ANK3: variants seen among roughly 807,000 people sequenced by gnomAD.
ANK3 encodes ankyrin-3.
Under a neutral mutation model 370.9 loss-of-function variants are expected in ANK3, and 57 were observed. That is an observed-to-expected ratio of 0.15 (90% confidence interval 0.12 to 0.19). The LOEUF is 0.19. ANK3 is among the 10% of genes least tolerant of loss of function. The probability of loss-of-function intolerance (pLI) is 1.00; values close to 1 mark genes in which losing one functional copy is unlikely to be tolerated. For synonymous variants in ANK3, 1,929 were observed against 1,946.3 expected, an observed-to-expected ratio of 0.99 and a Z score of 0.23; for missense variants, 4,439 against 5,302.1, an observed-to-expected ratio of 0.84 and a Z score of 5.06.
At chr10:60,065,749 A>C (rs1413325492) in intron 38 of ANK3, among the ~76,000 whole-genome samples, 1 of 152,206 alleles carries the variant, frequency 6.6e-6, no homozygotes, top group Admixed American at 6.5e-5. Flanking sequence ...TTTAGCCTTA[A>C]TACACTTAAA....
At chr10:60,588,404 C>T (rs1273975596) in intron 2 of ANK3, among the ~76,000 whole-genome samples, 5 of 151,300 alleles carry the variant, frequency 3.3e-5, no homozygotes, top group African/African-American at 1.2e-4. Flanking sequence ...AGGCTGGTCT[C>T]GAACTCCTGA....
intron 2 of ANK3, among the ~76,000 whole-genome samples, chr10:60,538,591 T>C (rs181463123): frequency 6.6e-6 from 1 of 152,050 alleles, no homozygotes; most frequent in East Asian, 1.9e-4. Context: ...CTATATACTC[T>C]ATTCTATATG....
chr10:60,520,594 G>A (rs964241852), intron 2 of ANK3, among the ~76,000 whole-genome samples: 5 of 152,076 alleles, frequency 3.3e-5, no homozygotes, highest in Admixed American at 1.3e-4. Flanking sequence ...ATTCCAGTAT[G>A]CTAACAATCC....
intron 1 of ANK3, among the ~76,000 whole-genome samples, chr10:60,350,063 C>T (rs1298765023): frequency 6.6e-6 from 1 of 152,166 alleles, no homozygotes; most frequent in South Asian, 2.1e-4. Context: ...TTATTCAGCA[C>T]TTACTAAGTG....
intron 1 of ANK3, among the ~76,000 whole-genome samples, chr10:60,712,326 A>T (rs2133430613): frequency 6.6e-6 from 1 of 152,328 alleles, no homozygotes; most frequent in African/African-American, 2.4e-5. Flanking sequence ...AAATCAAATG[A>T]ATGACAGCAA....
chr10:60,116,305 T>G (rs913545215), intron 25 of ANK3, among the ~76,000 whole-genome samples: 2 of 152,166 alleles, frequency 1.3e-5, no homozygotes, highest in African/African-American at 4.8e-5. Flanking sequence ...GACCTGCCCA[T>G]TGGAATTTCC....
intron 42 of ANK3, chr10:60,053,624 C>A: frequency 7.9e-7 from 1 of 1,264,680 alleles, no homozygotes; most frequent in Non-Finnish European, 1.0e-6. Flanking sequence ...TTTCTCAGTA[C>A]TCTTTGCCAT....
intron 9 of ANK3, among the ~76,000 whole-genome samples, chr10:60,210,206 T>A (rs1488015737): frequency 6.6e-6 from 1 of 152,190 alleles, no homozygotes; most frequent in Non-Finnish European, 1.5e-5. Context: ...GCTTTCATTC[T>A]ATTGAAGAGA....
chr10:60,614,258 T>C (rs1187608604), intron 2 of ANK3, among the ~76,000 whole-genome samples: 3 of 152,192 alleles, frequency 2.0e-5, no homozygotes, highest in Non-Finnish European at 4.4e-5. Flanking sequence ...AAATTCAGCC[T>C]AGTAAAATAT....
At chr10:60,505,375 ACTCAT>A (rs1033841868) in intron 2 of ANK3, among the ~76,000 whole-genome samples, 4 of 151,962 alleles carry the variant, frequency 2.6e-5, no homozygotes, top group African/African-American at 7.2e-5. Context: ...AAAAAAATTC[ACTCAT>A]CTCATTTGCC....
chr10:60,629,981 T>C (rs1194886092), intron 1 of ANK3, among the ~76,000 whole-genome samples: 1 of 152,208 alleles, frequency 6.6e-6, no homozygotes, highest in Admixed American at 6.5e-5. Context: ...TATTTTAACA[T>C]TTTCCTAGTT....
intron 1 of ANK3, among the ~76,000 whole-genome samples, chr10:60,377,478 C>T (rs2060943640): frequency 6.6e-6 from 1 of 152,134 alleles, no homozygotes; most frequent in African/African-American, 2.4e-5. Flanking sequence ...TTAACATCCC[C>T]ATGTAATATT....
chr10:60,427,314 T>G (rs988374464), intron 2 of ANK3, among the ~76,000 whole-genome samples: 2 of 152,088 alleles, frequency 1.3e-5, no homozygotes, highest in African/African-American at 4.8e-5. Flanking sequence ...AGAGATAGAC[T>G]AACTGACATA....
At chr10:60,473,435 A>G (rs919050216) in intron 2 of ANK3, among the ~76,000 whole-genome samples, 10 of 152,218 alleles carry the variant, frequency 6.6e-5, no homozygotes, top group African/African-American at 1.9e-4. Context: ...TAGGAATTAC[A>G]TTCTATATTC....
At chr10:60,189,673 G>C (rs1260345654) in intron 16 of ANK3, among the ~76,000 whole-genome samples, 2 of 152,126 alleles carry the variant, frequency 1.3e-5, no homozygotes, top group Non-Finnish European at 2.9e-5. Context: ...GCCATACTAA[G>C]AAAGGCAGAT....
intron 21 of ANK3, among the ~76,000 whole-genome samples, chr10:60,168,379 T>C (rs936408591): frequency 6.6e-6 from 1 of 152,194 alleles, no homozygotes; most frequent in Admixed American, 6.5e-5. Flanking sequence ...TGAATCAACA[T>C]TGATACATTA....
At chr10:60,297,555 T>C (rs1285647486) in intron 1 of ANK3, among the ~76,000 whole-genome samples, 1 of 152,140 alleles carries the variant, frequency 6.6e-6, no homozygotes, top group Non-Finnish European at 1.5e-5. Flanking sequence ...AGGATCATGA[T>C]AAAACATTTA....
At chr10:60,261,775 T>C (rs2097809003) in intron 7 of ANK3, 84 bp downstream of exon 7, 2 of 1,204,120 alleles carry the variant, frequency 1.7e-6, no homozygotes, top group East Asian at 2.4e-5. Flanking sequence ...GGAGAAAATT[T>C]GTCCCAACAT....
chr10:60,431,668 G>T (rs1306888364), intron 2 of ANK3, among the ~76,000 whole-genome samples: 1 of 152,174 alleles, frequency 6.6e-6, no homozygotes, highest in East Asian at 1.9e-4. Context: ...GGCTAGGGAA[G>T]GGATAGCATT....
Sources: gnomAD v4.1 joint callset for allele counts (sites outside exome capture counted in the v4.1 genomes callset) on GRCh38, gnomAD v4.1.1 for gene constraint, MANE v1.5 for transcripts, NCBI Gene and HGNC (gene_info 2026-07-23, HGNC 2026-07-21) for gene names.